Variants in ABL1 observed in about 807,000 individuals in gnomAD.
The protein encoded by ABL1 is tyrosine-protein kinase ABL1.
ABL1 carries 11 observed loss-of-function variants against 94.7 expected under a neutral mutation model. That is an observed-to-expected ratio of 0.12 (90% CI 0.07 to 0.19). ABL1 has a LOEUF of 0.19. Among genes scored for constraint, ABL1 ranks in the 10% least tolerant of loss-of-function variants. The pLI is 1.00. For missense variants in ABL1, 1,082 were observed against 1,489.4 expected, an observed-to-expected ratio of 0.73 and a Z score of 4.50; for synonymous variants, 656 against 622.4, an observed-to-expected ratio of 1.05 and a Z score of -0.80.
At chr9:130,805,461 G>T (rs145669860) in intron 1 of ABL1, among the ~76,000 whole-genome samples, 1 of 151,990 alleles carries the variant, frequency 6.6e-6, no homozygotes, top group Non-Finnish European at 1.5e-5. Context: ...TTTTTCTTAC[G>T]GAATTTCTTG....
At chr9:130,810,789 A>G (rs1359447295) in intron 1 of ABL1, among the ~76,000 whole-genome samples, 1 of 152,078 alleles carries the variant, frequency 6.6e-6, no homozygotes, top group African/African-American at 2.4e-5. Flanking sequence ...TTCCAAGTGT[A>G]ATGAAAGCAG....
chr9:130,856,559 T>TA (rs1195865598), intron 3 of ABL1, among the ~76,000 whole-genome samples: 3 of 152,050 alleles, frequency 2.0e-5, no homozygotes, highest in East Asian at 1.9e-4. Context: ...TGCATATGGT[T>TA]AAAAAAAATC....
intron 1 of ABL1, among the ~76,000 whole-genome samples, chr9:130,740,872 C>G (rs1452587368): frequency 7.0e-6 from 1 of 143,136 alleles, no homozygotes; most frequent in Non-Finnish European, 1.5e-5. Context: ...TGTTGAACTC[C>G]TGGTGGCCTC....
At chr9:130,859,911 C>G (rs966508743) in intron 3 of ABL1, among the ~76,000 whole-genome samples, 1 of 151,966 alleles carries the variant, frequency 6.6e-6, no homozygotes, top group African/African-American at 2.4e-5. Flanking sequence ...GAACGCCTGA[C>G]CTCGTGATCT....
intron 1 of ABL1, among the ~76,000 whole-genome samples, chr9:130,744,252 C>G (rs541554900): frequency 6.6e-6 from 1 of 151,914 alleles, no homozygotes; most frequent in Non-Finnish European, 1.5e-5. Flanking sequence ...AAGAGATTCT[C>G]CTGCCTCAGC....
chr9:130,813,906 A>C (rs1830246535), intron 1 of ABL1, among the ~76,000 whole-genome samples: 1 of 152,246 alleles, frequency 6.6e-6, no homozygotes, highest in South Asian at 2.1e-4. Context: ...TCAGAAAAGA[A>C]CAAAGGTCCC....
At chr9:130,868,149 A>C (rs1353034601) in intron 4 of ABL1, among the ~76,000 whole-genome samples, 1 of 151,950 alleles carries the variant, frequency 6.6e-6, no homozygotes, top group Non-Finnish European at 1.5e-5. Context: ...TAGTAGAGAC[A>C]GGGTTTCACC....
upstream of ABL1, among the ~76,000 whole-genome samples, chr9:130,834,391 T>A (rs757803760): frequency 6.6e-6 from 1 of 152,242 alleles, no homozygotes; most frequent in Admixed American, 6.5e-5. Flanking sequence ...GAGTTCCTTA[T>A]TGTTTCCCTC....
At position 130,848,677 on chromosome 9, in the gene ABL1, C is replaced by T. The variant is rs148508511; in HGVS notation, c.80-5387C>T. Among the ~76,000 whole-genome samples, 50 of 152,196 alleles carry T rather than the reference C, an allele frequency of 3.3e-4. 1 individual carries two copies. The East Asian group carries it at 9.5e-3, about 29-fold the overall frequency. On this transcript the variant is annotated intron_variant, in intron 1 of 10. Transcript: ENST00000318560. ...TAAGGCCAGACACGGTGGCTCACGC[C>T]GATAATCCCAGCACTTTGGGAGGCT...
At chr9:130,819,386 A>C (rs945021616) in intron 1 of ABL1, among the ~76,000 whole-genome samples, 6 of 151,396 alleles carry the variant, frequency 4.0e-5, no homozygotes, top group African/African-American at 1.5e-4. Context: ...GACAAAATAA[A>C]TTTTCTCATC....
chr9:130,788,239 A>G (rs1829857036), intron 1 of ABL1, among the ~76,000 whole-genome samples: 1 of 152,260 alleles, frequency 6.6e-6, no homozygotes, highest in South Asian at 2.1e-4. Flanking sequence ...AAAATTTACA[A>G]GAATAGTACA....
intron 1 of ABL1, among the ~76,000 whole-genome samples, chr9:130,852,965 A>G (rs1179650265): frequency 6.6e-6 from 1 of 152,068 alleles, no homozygotes; most frequent in African/African-American, 2.4e-5. Context: ...CTTGTGAAGT[A>G]AGTCCTCAGA....
At chr9:130,816,934 A>T (rs1445904259) in intron 1 of ABL1, among the ~76,000 whole-genome samples, 4 of 151,926 alleles carry the variant, frequency 2.6e-5, no homozygotes, top group African/African-American at 9.7e-5. Flanking sequence ...AAACTCCTGA[A>T]CCTCAGGTGA....
At chr9:130,878,188 T>C (rs770039290) in intron 7 of ABL1, among the ~76,000 whole-genome samples, 3 of 152,018 alleles carry the variant, frequency 2.0e-5, no homozygotes, top group Non-Finnish European at 4.4e-5. Flanking sequence ...TGACCTCAAA[T>C]AATCCTCCCA....
intron 3 of ABL1, among the ~76,000 whole-genome samples, 158 bp downstream of exon 3, chr9:130,855,254 T>C (rs769088192): frequency 2.0e-4 from 30 of 152,158 alleles, no homozygotes; most frequent in Non-Finnish European, 3.7e-4. Context: ...GAAGACCCTT[T>C]ATTGAGGATC....
intron 1 of ABL1, among the ~76,000 whole-genome samples, chr9:130,813,050 C>T (rs905038844): frequency 1.3e-5 from 2 of 151,560 alleles, no homozygotes; most frequent in African/African-American, 2.4e-5. Flanking sequence ...CCCGTCTCTA[C>T]GAAAAATACC....
chr9:130,719,557 A>G (rs1831489763), intron 1 of ABL1, among the ~76,000 whole-genome samples: 1 of 152,132 alleles, frequency 6.6e-6, no homozygotes, highest in Non-Finnish European at 1.5e-5. Context: ...ATAAAAATAA[A>G]AACTGAATTG....
intron 6 of ABL1, among the ~76,000 whole-genome samples, chr9:130,873,267 A>G (rs901626508): frequency 3.3e-5 from 5 of 152,246 alleles, no homozygotes; most frequent in Non-Finnish European, 5.9e-5. Flanking sequence ...CCAGTGGAGC[A>G]GCTAATCCCC....
intron 1 of ABL1, among the ~76,000 whole-genome samples, chr9:130,827,681 G>T (rs752902514): frequency 6.6e-6 from 1 of 152,018 alleles, no homozygotes; most frequent in Non-Finnish European, 1.5e-5. Context: ...GTTCACCTGC[G>T]GTCAGGAGTT....
Sources: allele counts gnomAD v4.1 joint callset (sites outside exome capture counted in the v4.1 genomes callset), GRCh38; gene constraint gnomAD v4.1.1; transcripts MANE v1.5; gene names NCBI Gene and HGNC (gene_info 2026-07-23, HGNC 2026-07-21).